Variants in FOXK2 observed in about 807,000 individuals in gnomAD.
FOXK2 encodes the protein forkhead box K2.
A neutral mutation model predicts 53.3 loss-of-function variants in FOXK2; 24 were observed. That is an observed-to-expected ratio of 0.45 (90% CI 0.33 to 0.63). FOXK2 has a LOEUF of 0.63. Ranked by LOEUF, FOXK2 falls within the 30% of genes least tolerant of loss-of-function variation. FOXK2 has a pLI of 0.03. For missense variants in FOXK2, 952 were observed against 910.5 expected (o/e 1.05, Z -0.59); for synonymous variants, 505 against 407.1 (o/e 1.24, Z -2.89).
chr17:82,568,699 A>G (rs1217043294), intron 3 of FOXK2, among the ~76,000 whole-genome samples: 1 of 152,236 alleles, frequency 6.6e-6, no homozygotes, highest in Non-Finnish European at 1.5e-5. Context: ...AAGGAAATGG[A>G]TGAAAGTTTG....
At chr17:82,521,227 T>C (rs7502629) in intron 1 of FOXK2, among the ~76,000 whole-genome samples, 66,911 of 151,914 alleles carry the variant, frequency 0.44, 14,930 homozygotes, top group South Asian at 0.56. Context: ...GGCTGGAGTG[T>C]AGTGGCGCGA....
chr17:82,569,323 G>A (rs921916056), intron 3 of FOXK2, among the ~76,000 whole-genome samples: 4 of 152,206 alleles, frequency 2.6e-5, no homozygotes, highest in Non-Finnish European at 5.9e-5. Context: ...AGGGCGCGTC[G>A]CGTGTGGTGC....
chr17:82,563,750 CCTTTTTTTTT>C (rs1289719268), intron 2 of FOXK2, among the ~76,000 whole-genome samples: 4 of 94,580 alleles, frequency 4.2e-5, no homozygotes, highest in East Asian at 5.1e-4. Context: ...TTACTCATTC[CCTTTTTTTTT>C]TTTTTTTTTG....
chr17:82,543,840 A>G (rs1237384666), intron 1 of FOXK2, among the ~76,000 whole-genome samples: 5 of 144,364 alleles, frequency 3.5e-5, no homozygotes, highest in African/African-American at 1.3e-4. Context: ...GCAGTGGCGC[A>G]ATCTTGGCTC....
chr17:82,520,868 A>G (rs938088329), intron 1 of FOXK2, among the ~76,000 whole-genome samples: 7 of 152,306 alleles, frequency 4.6e-5, no homozygotes, highest in Middle Eastern at 3.4e-3. Flanking sequence ...CGCTTCAAGC[A>G]TGATGGATTT....
At chr17:82,526,553 G>A (rs73999972) in intron 1 of FOXK2, among the ~76,000 whole-genome samples, 25,254 of 151,962 alleles carry the variant, frequency 0.17, 2,610 homozygotes, top group East Asian at 0.39. Context: ...AGTTGAGGCT[G>A]GGTGCGGTGG....
At chr17:82,569,984 A>G (rs576653740) in intron 3 of FOXK2, among the ~76,000 whole-genome samples, 4 of 152,210 alleles carry the variant, frequency 2.6e-5, no homozygotes, top group Non-Finnish European at 5.9e-5. Context: ...GCACTTTGGG[A>G]GGCCAAGGTG....
intron 8 of FOXK2, among the ~76,000 whole-genome samples, chr17:82,589,301 T>C (rs1325998570): frequency 1.3e-5 from 2 of 152,218 alleles, no homozygotes; most frequent in Non-Finnish European, 2.9e-5. Flanking sequence ...TGTGGCCTGG[T>C]CTTTCCATCT....
intron 1 of FOXK2, among the ~76,000 whole-genome samples, chr17:82,543,429 A>G (rs1483881940): frequency 2.6e-5 from 4 of 152,104 alleles, no homozygotes; most frequent in African/African-American, 7.2e-5. Context: ...CTGATAGCTC[A>G]GTGTTGTGTG....
At chr17:82,589,236 T>G (rs2045229615) in intron 8 of FOXK2, among the ~76,000 whole-genome samples, 1 of 152,190 alleles carries the variant, frequency 6.6e-6, no homozygotes, top group Non-Finnish European at 1.5e-5. Flanking sequence ...TCATGAGATG[T>G]CCACTTGCCC....
chr17:82,586,914 A>T, intron 7 of FOXK2, 149 bp from the exon 8 acceptor site: 5 of 754,860 alleles, frequency 6.6e-6, no homozygotes, highest in Non-Finnish European at 1.1e-5. Flanking sequence ...AACAAAAAAA[A>T]GATTTGCTCA....
chr17:82,587,028 TA>T, intron 7 of FOXK2, 34 bp from the exon 8 acceptor site: 2 of 1,591,610 alleles, frequency 1.3e-6, no homozygotes, highest in Non-Finnish European at 1.7e-6. Context: ...TGCTTTCCAG[TA>T]ATATTAATGT....
At chr17:82,552,789 C>G (rs1341935693) in intron 1 of FOXK2, among the ~76,000 whole-genome samples, 1 of 152,068 alleles carries the variant, frequency 6.6e-6, no homozygotes, top group Non-Finnish European at 1.5e-5. Context: ...AGAGCAGCAT[C>G]CCAAACAGGG....
chr17:82,566,358 C>A (rs2044851234), intron 2 of FOXK2, among the ~76,000 whole-genome samples: 1 of 152,082 alleles, frequency 6.6e-6, no homozygotes, highest in African/African-American at 2.4e-5. Context: ...TGAGAGTCGC[C>A]CCGGCTGGCA....
chr17:82,523,092 C>T (rs1402452429), intron 1 of FOXK2, among the ~76,000 whole-genome samples: 3 of 152,290 alleles, frequency 2.0e-5, no homozygotes, highest in Non-Finnish European at 4.4e-5. Flanking sequence ...CACGCCTGGC[C>T]GAATTCAGAC....
At chr17:82,525,522 A>G (rs1416063952) in intron 1 of FOXK2, among the ~76,000 whole-genome samples, 3 of 152,158 alleles carry the variant, frequency 2.0e-5, no homozygotes, top group Non-Finnish European at 2.9e-5. Flanking sequence ...TCTGGAGGCT[A>G]TGATTAGTAA....
At chr17:82,563,791 G>A (rs528863897) in intron 2 of FOXK2, among the ~76,000 whole-genome samples, 1 of 119,390 alleles carries the variant, frequency 8.4e-6, no homozygotes, top group South Asian at 2.6e-4. Context: ...TCTGTCTGTT[G>A]CCCAGGCTGG....
At chr17:82,567,380 G>A (rs2044863275) in intron 2 of FOXK2, among the ~76,000 whole-genome samples, 1 of 152,246 alleles carries the variant, frequency 6.6e-6, no homozygotes, top group African/African-American at 2.4e-5. Flanking sequence ...AATCGGCACA[G>A]AGATCAAGAA....
At chr17:82,525,954 T>TACTTTCTTATGTGTCCTGAATCCCAC (rs2044414123) in intron 1 of FOXK2, among the ~76,000 whole-genome samples, 1 of 143,488 alleles carries the variant, frequency 7.0e-6, no homozygotes, top group Admixed American at 7.0e-5. Flanking sequence ...ATCCCACACT[T>TACTTTCTTATGTGTCCTGAATCCCAC]ACTTTCTTAT....
Sources: gnomAD v4.1 joint callset for allele counts (sites outside exome capture counted in the v4.1 genomes callset) on GRCh38, gnomAD v4.1.1 for gene constraint, MANE v1.5 for transcripts, NCBI Gene and HGNC (gene_info 2026-07-23, HGNC 2026-07-21) for gene names.